Variants in MEGF8 observed in about 807,000 individuals in gnomAD.
MEGF8 encodes multiple epidermal growth factor-like domains protein 8.
MEGF8 carries 156 observed loss-of-function variants against 302.9 expected under a neutral mutation model. The ratio of observed to expected loss-of-function variants is 0.52; its 90% CI spans 0.45 to 0.59. The LOEUF is 0.59. Among genes scored for constraint, MEGF8 ranks in the 20% least tolerant of loss-of-function variants. The pLI, the probability that MEGF8 is intolerant of heterozygous loss-of-function variation, is 0.00. For missense variants in MEGF8, 3,345 were observed against 3,964.5 expected (o/e 0.84, Z 4.20); for synonymous variants, 1,621 against 1,660.5 (o/e 0.98, Z 0.58).
In MEGF8 at chr19:42,359,154, TGGG is replaced by T. The variant is rs1189706664; in HGVS notation, c.5404_5406del (p.Gly1802del). The T allele has an allele frequency of 1.9e-6, 3 of 1,597,532 alleles. No homozygotes were observed. The African/African-American group carries it at 4.1e-5, about 22-fold the overall frequency. On this transcript the variant is annotated inframe_deletion, in exon 31 of 42. Transcript: ENST00000251268. Reference sequence around the variant, plus strand: ...TGTTAGGGGACACCATGGTGGTTCTTGGGGGGCGCTCGGACCCTGACGAGTTCA... The same window carrying T: ...TGTTAGGGGACACCATGGTGGTTCTTGGGCGCTCGGACCCTGACGAGTTCA...
chr19:42,352,151 T>C lies in MEGF8; in HGVS notation c.3102-57T>C. 1 of 1,460,002 alleles carries C rather than the reference T, an allele frequency of 6.8e-7. No individual in the cohort carries two copies. Among genetic ancestry groups the C allele is most frequent in the Non-Finnish European group, 9.1e-7 (1 of 1,101,994 alleles). The allele number at this position is 1,460,002 out of a possible 1,614,324, so 90.4% of individuals were successfully genotyped here. A position where few individuals can be genotyped will look rare whatever the true frequency, so the allele number is the denominator to read the frequency against. On this transcript the variant is annotated intron_variant, in intron 18 of 41. Transcript: ENST00000251268. This position sits in a 1 kb window ranked among gnomAD's most constrained non-coding sequence, Gnocchi z 4.4. ...CCTCCTCTCTCCCTGTCATTGTTTC[T>C]ATGTATGGCTCCTGTTTCTATGTTG...
Position 42,353,867 on chromosome 19 carries a change from T to A in MEGF8, c.3854T>A (p.Leu1285Gln), listed in dbSNP as rs1213610975. The change falls in exon 22 of 42, where the codon CTG becomes CAG. Residue 1285 changes from leucine (L) to glutamine (Q), a missense_variant. Coordinates refer to ENST00000251268, the MANE Select transcript of MEGF8 (RefSeq NM_001271938.2). This position sits in a 1 kb window ranked among gnomAD's most constrained non-coding sequence, Gnocchi z 6.1. Reference protein sequence around the residue: ...VALGSRRVGGLLPPGGGAARA... With the variant: ...VALGSRRVGGQLPPGGGAARA... ...CTGGGCTCACGCCGGGTCGGGGGGC[T>A]GCTGCCTCCAGGTGGCGGGGCTGCA... The A allele has an allele frequency of 6.2e-7, 1 of 1,602,294 alleles. No individual in the cohort carries two copies. The highest frequency in any genetic ancestry group is 8.5e-7 in the Non-Finnish European group (1 of 1,174,744).
intron 13 of MEGF8, among the ~76,000 whole-genome samples, chr19:42,349,191 T>C (rs527446218): frequency 1.4e-3 from 213 of 151,622 alleles, no homozygotes; most frequent in Non-Finnish European, 2.5e-3. Context: ...TCCCAGCTAT[T>C]TGGGAGGCTG....
rs1231948998 is a variant in MEGF8 at position 42,370,795 on chromosome 19, T to A, written c.7100T>A (p.Leu2367Gln). Residue 2367 changes from leucine to glutamine, a missense_variant, in exon 40 of 42, where the codon CTG (leucine) becomes CAG (glutamine). Physicochemically the swap from Leu to Gln is moderately radical, Grantham distance 113 (BLOSUM62 -2). Coordinates refer to ENST00000251268, the MANE Select transcript of MEGF8 (RefSeq NM_001271938.2). ...TATGGGGAGAAATGCGAGAGCTGCC[T>A]GCAGGGCTACTTCCTCCTGGACGGG... ...NSYGEKCESC[L>Q]QGYFLLDGKC... is the part of the protein sequence containing the mutation. 7.0e-7 allele frequency: 1 copy of A among 1,421,386 alleles called. No individual in the cohort carries two copies. The highest frequency in any genetic ancestry group is 9.6e-7 in the Non-Finnish European group (1 of 1,042,944). The allele number at this position is 1,421,386 out of a possible 1,614,324, so 88.0% of individuals were successfully genotyped here.
At chr19:42,362,980 T>C in intron 34 of MEGF8, 68 bp from the exon 35 acceptor site, 1 of 1,382,898 alleles carries the variant, frequency 7.2e-7, no homozygotes, top group Non-Finnish European at 1.0e-6. Context: ...CTCCTGGGTC[T>C]GAGGGAGGAG....
intron 8 of MEGF8, among the ~76,000 whole-genome samples, chr19:42,342,021 A>T (rs1435119442): frequency 6.6e-6 from 1 of 152,194 alleles, no homozygotes; most frequent in Non-Finnish European, 1.5e-5. Flanking sequence ...CTTAGCACTT[A>T]AGGGATGGGA....
chr19:42,347,623 G>A (rs1032923951), intron 12 of MEGF8, among the ~76,000 whole-genome samples: 1 of 152,050 alleles, frequency 6.6e-6, no homozygotes, highest in African/African-American at 2.4e-5. Flanking sequence ...CTCCCAAGTA[G>A]CTGGGATTAC....
chr19:42,371,054 C>T (rs1383881071), intron 40 of MEGF8, among the ~76,000 whole-genome samples: 4 of 150,974 alleles, frequency 2.6e-5, no homozygotes, highest in African/African-American at 9.7e-5. Context: ...GAAGTGCAGT[C>T]CACAGAGCGG....
At chr19:42,366,091 A>G (rs1270749975) in intron 35 of MEGF8, among the ~76,000 whole-genome samples, 1 of 152,216 alleles carries the variant, frequency 6.6e-6, no homozygotes, top group Non-Finnish European at 1.5e-5. Flanking sequence ...AAAGAAAAAA[A>G]AAGAAGTGTT....
chr19:42,344,846 C>T lies in MEGF8; in HGVS notation c.2097+13C>T, dbSNP rs1240320152. The T allele has an allele frequency of 8.4e-6, 13 of 1,541,030 alleles. No homozygotes were observed. The highest frequency in any genetic ancestry group is 1.1e-5 in the Non-Finnish European group (13 of 1,140,532). Reference sequence around the variant, plus strand: ...CCAGCCTGACAAGGTGGGTAGGAGGCGTGGCCCTGGGTGGGGTGTTGATGA... The same window carrying T: ...CCAGCCTGACAAGGTGGGTAGGAGGTGTGGCCCTGGGTGGGGTGTTGATGA... On this transcript the variant is annotated intron_variant, in intron 12 of 41. Transcript: ENST00000251268. The surrounding 1 kb of genome is among the most constrained non-coding windows in gnomAD (Gnocchi z 4.5).
chr19:42,376,854 C>G lies in MEGF8; in HGVS notation c.*79C>G. On this transcript the variant is annotated 3_prime_UTR_variant, in exon 42 of 42. Coordinates refer to ENST00000251268, the MANE Select transcript of MEGF8 (RefSeq NM_001271938.2). The surrounding 1 kb of genome is among the most constrained non-coding windows in gnomAD (Gnocchi z 8.2). ...GACTTGGGGTCCCTCCACCTGGGGG[C>G]CCCTGGACACTGTCTACTTGGAGAC... The G allele has an allele frequency of 7.2e-7, 1 of 1,386,858 alleles. No individual in the cohort carries two copies. The highest frequency in any genetic ancestry group is 9.4e-7 in the Non-Finnish European group (1 of 1,068,550). The allele number at this position is 1,386,858 out of a possible 1,614,324, so 85.9% of individuals were successfully genotyped here.
intron 8 of MEGF8, among the ~76,000 whole-genome samples, chr19:42,338,708 G>A (rs1454404304): frequency 2.0e-5 from 3 of 151,412 alleles, no homozygotes; most frequent in Admixed American, 2.0e-4. Context: ...TGAGGATAAG[G>A]GCCTCTAGCT....
At chr19:42,335,815 C>T (rs1036844772) in intron 5 of MEGF8, 116 bp from the exon 6 acceptor site, 11 of 987,368 alleles carry the variant, frequency 1.1e-5, no homozygotes, top group Non-Finnish European at 1.4e-5. Flanking sequence ...TTCTCTTTGT[C>T]TCTGTCTTTA....
At chr19:42,343,665 G>C (rs1021116455) in intron 9 of MEGF8, 34 bp downstream of exon 9, 16 of 1,568,304 alleles carry the variant, frequency 1.0e-5, no homozygotes, top group Admixed American at 1.8e-5. Context: ...AGGGTGGCTG[G>C]GGGGAGGAGG....
At position 42,358,979 on chromosome 19, in the gene MEGF8, T is replaced by G. The variant is rs1427781162; in HGVS notation, c.5343+25T>G. 2.5e-6 allele frequency: 4 copies of G among 1,594,726 alleles called. No homozygotes were observed. The highest frequency in any genetic ancestry group is 2.6e-6 in the Non-Finnish European group (3 of 1,170,278). ...GGTGAGATTTGAAGAGGGTTAGGAT[T>G]GGGTGGGCTGGTAGGGGGGGATAGG... On this transcript the variant is annotated intron_variant, in intron 30 of 41. Coordinates refer to ENST00000251268, the MANE Select transcript of MEGF8 (RefSeq NM_001271938.2). This position sits in a 1 kb window ranked among gnomAD's most constrained non-coding sequence, Gnocchi z 4.4.
rs1216276801 is a variant in MEGF8 at position 42,344,067 on chromosome 19, G to A, written c.1782G>A (p.Leu594=). Reference sequence around the variant, plus strand: ...CTGCACCCCCTCCTGGGACCCCCTTGGGGGCTGTGAGTGACAGCCCTAGAC... The same window carrying A: ...CTGCACCCCCTCCTGGGACCCCCTTAGGGGCTGTGAGTGACAGCCCTAGAC... ...CQAAPPPGTP[L]GACPAASCLG... is the part of the protein sequence containing the mutation. Residue 594 remains leucine (L), a synonymous_variant, in exon 10 of 42, where the codon TTG becomes TTA. Coordinates refer to ENST00000251268, the MANE Select transcript of MEGF8 (RefSeq NM_001271938.2). This position sits in a 1 kb window ranked among gnomAD's most constrained non-coding sequence, Gnocchi z 4.5. 19 of 1,613,200 alleles carry A rather than the reference G, an allele frequency of 1.2e-5. No individual in the cohort carries two copies. Among genetic ancestry groups the A allele is most frequent in the Non-Finnish European group, 1.6e-5 (19 of 1,179,630 alleles).
chr19:42,356,590 G>A lies in MEGF8; in HGVS notation c.4622+137G>A. Reference sequence around the variant, plus strand: ...AAGGATGCTGGGACACTTGTCACAGGAAGCTCACCCGGGGACACTTGGGGA... The same window carrying A: ...AAGGATGCTGGGACACTTGTCACAGAAAGCTCACCCGGGGACACTTGGGGA... On this transcript the variant is annotated intron_variant, in intron 26 of 41. Transcript: ENST00000251268. This position sits in a 1 kb window ranked among gnomAD's most constrained non-coding sequence, Gnocchi z 5.2. 1.0e-6 allele frequency: 1 copy of A among 958,496 alleles called. No individual in the cohort carries two copies. Among genetic ancestry groups the A allele is most frequent in the South Asian group, 1.7e-5 (1 of 57,672 alleles). 59.4% of individuals were successfully genotyped at this position (958,496 alleles called of 1,614,324 possible).
rs779197771 is a variant in MEGF8 at position 42,357,630 on chromosome 19, G to C, written c.5011+46G>C. 1 of 1,518,964 alleles carries C rather than the reference G, an allele frequency of 6.6e-7. No homozygotes were observed. Among genetic ancestry groups the C allele is most frequent in the Non-Finnish European group, 8.9e-7 (1 of 1,128,868 alleles). 94.1% of individuals were successfully genotyped at this position (1,518,964 alleles called of 1,614,324 possible). A position where few individuals can be genotyped will look rare whatever the true frequency, so the allele number is the denominator to read the frequency against. The stretch of plus-strand genomic sequence containing the variant: ...GGGACAGCCCCCGTGGACCTCCCGG[G>C]CATCTGGGCTTCCTGTGGGCTCTCC... On this transcript the variant is annotated intron_variant, in intron 28 of 41. Transcript: ENST00000251268. This position sits in a 1 kb window ranked among gnomAD's most constrained non-coding sequence, Gnocchi z 5.2.
Position 42,335,805 on chromosome 19 carries a change from T to G in MEGF8, c.829-126T>G. 2 of 892,864 alleles carry G rather than the reference T, an allele frequency of 2.2e-6. 1 individual carries two copies. The highest frequency in any genetic ancestry group is 3.2e-6 in the Non-Finnish European group (2 of 617,096). The allele number at this position is 892,864 out of a possible 1,614,324, so 55.3% of individuals were successfully genotyped here. A position where few individuals can be genotyped will look rare whatever the true frequency, so the allele number is the denominator to read the frequency against. On this transcript the variant is annotated intron_variant, in intron 5 of 41. Coordinates refer to ENST00000251268, the MANE Select transcript of MEGF8 (RefSeq NM_001271938.2). ...TTTCTCTCTCTGCCGGTCTCTGCCTTTCTCTTTGTCTCTGTCTTTATCTCG... is the reference window on the plus strand; with the variant it reads ...TTTCTCTCTCTGCCGGTCTCTGCCTGTCTCTTTGTCTCTGTCTTTATCTCG...
Sources: allele counts gnomAD v4.1 joint callset (sites outside exome capture counted in the v4.1 genomes callset), GRCh38; gene constraint gnomAD v4.1.1; non-coding constraint Gnocchi (gnomAD v3.1); transcripts MANE v1.5; gene names NCBI Gene and HGNC (gene_info 2026-07-23, HGNC 2026-07-21).